ZSCAN10: variants seen among roughly 807,000 people sequenced by gnomAD.
The protein encoded by ZSCAN10 is zinc finger and SCAN domain containing 10.
ZSCAN10 carries 52 observed loss-of-function variants against 63.7 expected under a neutral mutation model. The observed-to-expected ratio is 0.82, with a 90% CI of 0.65 to 1.03. The LOEUF (loss-of-function observed/expected upper bound fraction) is 1.03, where lower values mean the gene tolerates loss of function less well. ZSCAN10 is among the 50% of genes least tolerant of loss of function. ZSCAN10 has a pLI of 0.00. For missense variants in ZSCAN10, 1,223 were observed against 1,103.8 expected (o/e 1.11, Z -1.53); for synonymous variants, 544 against 479.6 (o/e 1.13, Z -1.76).
Position 3,089,682 on chromosome 16 carries a change from C to A in ZSCAN10, c.1752G>T (p.Gly584=), listed in dbSNP as rs753011504. ...GEKPYACPQC[G]KRFVRRASLA... ...GGCTGGCCCGGCGCACAAAGCGCTTCCCGCACTGCGGACAGGCGTAGGGCT... is the reference window on the plus strand; with the variant it reads ...GGCTGGCCCGGCGCACAAAGCGCTTACCGCACTGCGGACAGGCGTAGGGCT... Residue 584 remains glycine, a synonymous_variant, in exon 6 of 6, where the codon GGG becomes GGT. Transcript: ENST00000576985. 1.2e-6 allele frequency: 2 copies of A among 1,600,138 alleles called. No homozygotes were observed. The highest frequency in any genetic ancestry group is 1.7e-6 in the Non-Finnish European group (2 of 1,175,132).
intron 1 of ZSCAN10, among the ~76,000 whole-genome samples, chr16:3,096,073 A>G (rs997331686): frequency 1.3e-5 from 2 of 152,148 alleles, no homozygotes; most frequent in Non-Finnish European, 2.9e-5. Context: ...CCTCCTCCCA[A>G]TCTAGGGCTG....
chr16:3,092,547 G>GC lies in ZSCAN10; in HGVS notation c.390dup (p.Pro131AlafsTer5), dbSNP rs1424809246. 6.6e-7 allele frequency: 1 copy of GC among 1,524,366 alleles called. No homozygotes were observed. Among genetic ancestry groups the GC allele is most frequent in the Middle Eastern group, 1.7e-4 (1 of 5,796 alleles). 94.4% of individuals were successfully genotyped at this position (1,524,366 alleles called of 1,614,324 possible). ...CCGCTGCCCCACCCTCTCACCAGCG[G>GC]CCCCGCGTGGCTGGGCTCCCGGTGG... is the stretch of plus-strand genomic sequence containing the variant. On this transcript the variant is annotated frameshift_variant, in exon 2 of 6. Transcript: ENST00000576985. LOFTEE classifies it high-confidence loss of function.
Position 3,093,018 on chromosome 16 carries a change from C to A in ZSCAN10, c.-67-14G>T. 1 of 1,369,074 alleles carries A rather than the reference C, an allele frequency of 7.3e-7. No individual in the cohort carries two copies. Among genetic ancestry groups the A allele is most frequent in the Non-Finnish European group, 9.4e-7 (1 of 1,064,390 alleles). 84.8% of individuals were successfully genotyped at this position (1,369,074 alleles called of 1,614,324 possible). A position where few individuals can be genotyped will look rare whatever the true frequency, so the allele number is the denominator to read the frequency against. ...CTCCTCCCACACCTGCGAAGGTGAA[C>A]ACCCTGGGTTAGGATCTGCTGCGAG... On this transcript the variant is annotated splice_polypyrimidine_tract_variant and intron_variant, in intron 1 of 5. Transcript: ENST00000576985.
At position 3,091,535 on chromosome 16, in the gene ZSCAN10, C is replaced by T; in HGVS notation, c.787+5G>A. 1 of 1,614,118 alleles carries T rather than the reference C, an allele frequency of 6.2e-7. No individual in the cohort carries two copies. Among genetic ancestry groups the T allele is most frequent in the African/African-American group, 1.3e-5 (1 of 75,028 alleles). On this transcript the variant is annotated splice_donor_5th_base_variant and intron_variant, in intron 5 of 5. Coordinates refer to ENST00000576985, the MANE Select transcript of ZSCAN10 (RefSeq NM_032805.3). ...TGGTCACTTCTCCAGGGAAGGGTTG[C>T]TTACCCAGGGGGTGTGCAGGCCACG...
In ZSCAN10 at chr16:3,093,022, C is replaced by G. The variant is rs1418588546; in HGVS notation, c.-67-18G>C. On this transcript the variant is annotated intron_variant, in intron 1 of 5. Transcript: ENST00000576985. ...TCCCACACCTGCGAAGGTGAACACC[C>G]TGGGTTAGGATCTGCTGCGAGGAAG... 7.4e-7 allele frequency: 1 copy of G among 1,360,208 alleles called. No individual in the cohort carries two copies. Among genetic ancestry groups the G allele is most frequent in the Non-Finnish European group, 9.4e-7 (1 of 1,059,688 alleles). 84.3% of individuals were successfully genotyped at this position (1,360,208 alleles called of 1,614,324 possible).
At chr16:3,096,783 G>A (rs1957158021) in intron 1 of ZSCAN10, among the ~76,000 whole-genome samples, 1 of 152,076 alleles carries the variant, frequency 6.6e-6, no homozygotes, top group South Asian at 2.1e-4. Flanking sequence ...ACAAAAATTA[G>A]CCGGACGTGA....
chr16:3,098,036 C>G (rs1414282784), intron 1 of ZSCAN10, among the ~76,000 whole-genome samples: 3 of 108,772 alleles, frequency 2.8e-5, no homozygotes, highest in Admixed American at 1.1e-4. Context: ...GGCGAAGACC[C>G]TGTCTCAAAA....
At chr16:3,094,080 A>T (rs1038484828) in intron 1 of ZSCAN10, among the ~76,000 whole-genome samples, 3 of 152,152 alleles carry the variant, frequency 2.0e-5, no homozygotes, top group African/African-American at 4.8e-5. Flanking sequence ...TGGCGCAATC[A>T]CGGCTCACTG....
chr16:3,093,574 T>C (rs898467283), intron 1 of ZSCAN10, among the ~76,000 whole-genome samples: 2 of 150,886 alleles, frequency 1.3e-5, no homozygotes, highest in Non-Finnish European at 2.9e-5. Flanking sequence ...TGACCATCCC[T>C]GAAAGAGAAA....
chr16:3,097,267 G>A (rs993645097), intron 1 of ZSCAN10, among the ~76,000 whole-genome samples: 39 of 151,874 alleles, frequency 2.6e-4, no homozygotes, highest in African/African-American at 9.2e-4. Flanking sequence ...AAGCTTAGCC[G>A]CTGAGAAGGA....
At position 3,092,594 on chromosome 16, in the gene ZSCAN10, A is replaced by AGGT. The variant is rs1157637440; in HGVS notation, c.343_344insACC (p.Val115delinsAspLeu). 2 of 1,592,546 alleles carry AGGT rather than the reference A, an allele frequency of 1.3e-6. No homozygotes were observed. Among genetic ancestry groups the AGGT allele is most frequent in the African/African-American group, 2.7e-5 (2 of 74,386 alleles). On this transcript the variant is annotated protein_altering_variant, in exon 2 of 6. Transcript: ENST00000576985. ...GTGGATGCCCTCGAGCAGCAGCACC[A>AGGT]CCTCCTCCCCATCCCTGAGCGGCTG...
chr16:3,095,409 C>T (rs113813615), intron 1 of ZSCAN10, among the ~76,000 whole-genome samples: 2,099 of 149,320 alleles, frequency 0.014, 49 homozygotes, highest in East Asian at 0.12. Context: ...CCCAGCTACT[C>T]GGGAGGCTGA....
chr16:3,091,857 G>A (rs1957082065), intron 3 of ZSCAN10, 29 bp from the exon 4 acceptor site: 1 of 1,577,762 alleles, frequency 6.3e-7, no homozygotes, highest in Non-Finnish European at 8.6e-7. Flanking sequence ...AGGGGAGGAA[G>A]TGCTGTTAGA....
In ZSCAN10 at chr16:3,092,758, C is replaced by T. The variant is rs377042269; in HGVS notation, c.180G>A (p.Ala60=). The T allele has an allele frequency of 6.2e-5, 100 of 1,607,640 alleles. 1 individual carries two copies. Among genetic ancestry groups the T allele is most frequent in the Middle Eastern group, 3.3e-4 (2 of 6,044 alleles). The change falls in exon 2 of 6, where the codon GCG becomes GCA. Residue 60 remains alanine, a synonymous_variant. Transcript: ENST00000576985. ...FQYQEDMGPR[A]SLSRLRELCG... is the part of the protein sequence containing the mutation. ...AGAGCTCCCGGAGCCGGCTCAGGGACGCCCGTGGCCCCATGTCCTCCTGAT... is the reference window on the plus strand; with the variant it reads ...AGAGCTCCCGGAGCCGGCTCAGGGATGCCCGTGGCCCCATGTCCTCCTGAT...
intron 1 of ZSCAN10, among the ~76,000 whole-genome samples, chr16:3,094,508 G>A (rs543201278): frequency 1.3e-5 from 2 of 152,150 alleles, no homozygotes; most frequent in East Asian, 3.9e-4. Flanking sequence ...ACCGCATGCC[G>A]CTAATTTTGT....
rs535883956 is a variant in ZSCAN10 at position 3,089,188 on chromosome 16, G to A, written c.2246C>T (p.Ala749Val). The stretch of plus-strand genomic sequence containing the variant: ...ACACTGCGTGCAGGAGTAGGGCCTG[G>A]CGCCCGTGTGCACCAGCAGGTGTCG... Reference protein sequence around the residue: ...LLRHLLVHTGARPYSCTQCGR... With the variant: ...LLRHLLVHTGVRPYSCTQCGR... Residue 749 changes from alanine to valine, a missense_variant, in exon 6 of 6, where the codon GCC becomes GTC. By Grantham distance (64) the Ala-to-Val change is moderately conservative (BLOSUM62 0). Transcript: ENST00000576985. The A allele has an allele frequency of 1.8e-5, 28 of 1,576,096 alleles. No homozygotes were observed. Among genetic ancestry groups the A allele is most frequent in the Middle Eastern group, 1.8e-4 (1 of 5,472 alleles).
Position 3,088,983 on chromosome 16 carries a change from G to T in ZSCAN10, c.*108C>A. 1 of 1,378,900 alleles carries T rather than the reference G, an allele frequency of 7.3e-7. No individual in the cohort carries two copies. The highest frequency in any genetic ancestry group is 9.3e-7 in the Non-Finnish European group (1 of 1,073,614). 85.4% of individuals were successfully genotyped at this position (1,378,900 alleles called of 1,614,324 possible). On this transcript the variant is annotated 3_prime_UTR_variant, in exon 6 of 6. Coordinates refer to ENST00000576985, the MANE Select transcript of ZSCAN10 (RefSeq NM_032805.3). The stretch of plus-strand genomic sequence containing the variant: ...CCAGGGAAGGACAGCTGTGAAAGTG[G>T]AAGGAGAGGGAAGTGGGGTGTGGTG...
Position 3,090,465 on chromosome 16 carries a change from A to C in ZSCAN10, c.969T>G (p.Leu323=). Residue 323 remains leucine (L), a synonymous_variant, in exon 6 of 6, where the codon CTT becomes CTG. Coordinates refer to ENST00000576985, the MANE Select transcript of ZSCAN10 (RefSeq NM_032805.3). ...AASGPGEDGS[L]LGSSEILEVK... is the part of the protein sequence containing the mutation. Reference sequence around the variant, plus strand: ...CCTCCAAAATTTCACTGCTGCCAAGAAGGGACCCATCTTCACCAGGGCCGC... The same window carrying C: ...CCTCCAAAATTTCACTGCTGCCAAGCAGGGACCCATCTTCACCAGGGCCGC... 4 of 1,613,756 alleles carry C rather than the reference A, an allele frequency of 2.5e-6. No individual in the cohort carries two copies. Among genetic ancestry groups the C allele is most frequent in the Non-Finnish European group, 3.4e-6 (4 of 1,179,942 alleles).
At chr16:3,098,831 C>T (rs747393334) in intron 1 of ZSCAN10, among the ~76,000 whole-genome samples, 5 of 152,226 alleles carry the variant, frequency 3.3e-5, no homozygotes, top group Non-Finnish European at 7.3e-5. Context: ...GCCGGGAACA[C>T]TCCCTTTCTC....
Sources: allele counts gnomAD v4.1 joint callset (sites outside exome capture counted in the v4.1 genomes callset), GRCh38; gene constraint gnomAD v4.1.1; transcripts MANE v1.5; gene names NCBI Gene and HGNC (gene_info 2026-07-23, HGNC 2026-07-21).